The following GATB variants were observed in gnomAD, a reference collection of about 807,000 sequenced individuals.
GATB encodes glutamyl-tRNA amidotransferase subunit B, also known as glutamyl-tRNA(Gln) amidotransferase subunit B, mitochondrial.
GATB carries 39 observed loss-of-function variants against 62.3 expected under a neutral mutation model. The observed-to-expected ratio is 0.63, with a 90% CI of 0.48 to 0.82. The LOEUF is 0.82. GATB is among the 40% of genes least tolerant of loss of function. The pLI is 0.00. For missense variants in GATB, 670 were observed against 684.0 expected (o/e 0.98, Z 0.23); for synonymous variants, 276 against 258.9 (o/e 1.07, Z -0.63).
intron 10 of GATB, 104 bp from the exon 11 acceptor site, chr4:151,679,995 C>A: frequency 1.1e-6 from 1 of 899,626 alleles, no homozygotes. Context: ...GGGTAAATAT[C>A]GGACCCACGC....
chr4:151,724,602 TG>T (rs1739094583), intron 2 of GATB: 1 of 152,270 alleles, frequency 6.6e-6, no homozygotes, highest in Non-Finnish European at 1.5e-5. Flanking sequence ...CAGCCAAACG[TG>T]ACACATGCTT....
chr4:151,679,929 A>G (rs1165517818), intron 10 of GATB, 38 bp from the exon 11 acceptor site: 1 of 1,577,150 alleles, frequency 6.3e-7, no homozygotes, highest in African/African-American at 1.3e-5. Flanking sequence ...TTTACATTGC[A>G]CACTGTCAGG....
At chr4:151,675,059 G>C (rs1165865985) in intron 11 of GATB, 1 of 152,404 alleles carries the variant, frequency 6.6e-6, no homozygotes, top group African/African-American at 2.4e-5. Context: ...CCCACAGCTC[G>C]AATGTTGGCT....
At chr4:151,748,851 T>C (rs564960764) in intron 2 of GATB, among the ~76,000 whole-genome samples, 1 of 152,320 alleles carries the variant, frequency 6.6e-6, no homozygotes, top group Non-Finnish European at 1.5e-5. Flanking sequence ...GGGCGAAGGA[T>C]ATGAATAGAC....
chr4:151,722,160 G>T, intron 2 of GATB: 2 of 700,432 alleles, frequency 2.9e-6, no homozygotes, highest in Non-Finnish European at 5.2e-6. Context: ...GTCCAGGTCA[G>T]CATGTTCTGA....
chr4:151,727,041 C>G (rs1482290838), intron 2 of GATB, among the ~76,000 whole-genome samples: 1 of 152,138 alleles, frequency 6.6e-6, no homozygotes, highest in Non-Finnish European at 1.5e-5. Context: ...TTTCGCCTCC[C>G]GAATAGCTGG....
chr4:151,739,092 A>G (rs1739432746), intron 2 of GATB, among the ~76,000 whole-genome samples: 1 of 152,282 alleles, frequency 6.6e-6, no homozygotes, highest in South Asian at 2.1e-4. Flanking sequence ...GCTGCAAAGC[A>G]TGACAAAGAC....
chr4:151,678,415 C>T (rs993267919), intron 11 of GATB, among the ~76,000 whole-genome samples: 3 of 151,092 alleles, frequency 2.0e-5, no homozygotes, highest in Non-Finnish European at 4.4e-5. Flanking sequence ...TTTCATTTCA[C>T]GTGCAATAAT....
At position 151,758,858 on chromosome 4, in the gene GATB, G is replaced by A; in HGVS notation, c.241C>T (p.Leu81Phe). 6.2e-7 allele frequency: 1 copy of A among 1,611,382 alleles called. No homozygotes were observed. Among genetic ancestry groups the A allele is most frequent in the Non-Finnish European group, 8.5e-7 (1 of 1,178,468 alleles). ...AAGCGAACTTGAGATCCAGAGAAGA[G>A]TTTAGAGTTGGAGGAAATCTGGGCA... Reference protein sequence around the residue: ...IHAQISSNSKLFSGSQVRFSA... With the variant: ...IHAQISSNSKFFSGSQVRFSA... Residue 81 changes from leucine (L) to phenylalanine (F), a missense_variant, in exon 2 of 13, where the codon CTC becomes TTC. Transcript: ENST00000263985.
chr4:151,728,338 A>G (rs576394509), intron 2 of GATB, among the ~76,000 whole-genome samples: 2 of 152,322 alleles, frequency 1.3e-5, no homozygotes, highest in African/African-American at 2.4e-5. Context: ...TTGAAATTCA[A>G]TGAGAATTGA....
chr4:151,715,408 C>T (rs1274035038), intron 5 of GATB, among the ~76,000 whole-genome samples: 3 of 152,170 alleles, frequency 2.0e-5, no homozygotes, highest in African/African-American at 4.8e-5. Flanking sequence ...GTGACCAAAA[C>T]CTATGATCTT....
Position 151,760,789 on chromosome 4 carries a change from A to C in GATB, c.176+18T>G. On this transcript the variant is annotated intron_variant, in intron 1 of 12. Transcript: ENST00000263985. ...CCACCTCACAGTTAGGTGGGCAGAA[A>C]TGTATGAAACAGAATACCCTTTCCT... 1 of 1,564,232 alleles carries C rather than the reference A, an allele frequency of 6.4e-7. No homozygotes were observed.
chr4:151,709,229 CA>C (rs1238757282), intron 5 of GATB, among the ~76,000 whole-genome samples: 1 of 152,128 alleles, frequency 6.6e-6, no homozygotes, highest in Non-Finnish European at 1.5e-5. Flanking sequence ...GTCATTCTCC[CA>C]GTGCTGGGCT....
At chr4:151,699,001 C>T (rs1738545550) in intron 9 of GATB, among the ~76,000 whole-genome samples, 1 of 151,136 alleles carries the variant, frequency 6.6e-6, no homozygotes, top group East Asian at 1.9e-4. Context: ...TGTGTGTGTG[C>T]ATGTGTATGT....
At chr4:151,726,819 T>A (rs1043652692) in intron 2 of GATB, among the ~76,000 whole-genome samples, 3 of 152,196 alleles carry the variant, frequency 2.0e-5, no homozygotes, top group African/African-American at 7.2e-5. Flanking sequence ...TGGGATTCCA[T>A]CCTCTTCCTG....
chr4:151,755,964 G>A (rs1422499866), intron 2 of GATB, among the ~76,000 whole-genome samples: 2 of 152,272 alleles, frequency 1.3e-5, no homozygotes, highest in Non-Finnish European at 2.9e-5. Context: ...AAGAGAGAGG[G>A]GAGCTTTATT....
chr4:151,731,832 T>C (rs10032365), intron 2 of GATB, among the ~76,000 whole-genome samples: 86,277 of 148,922 alleles, frequency 0.58, 27,173 homozygotes, highest in African/African-American at 0.85. Flanking sequence ...GGAGCCCCTC[T>C]GCCCGGCAGC....
intron 2 of GATB, among the ~76,000 whole-genome samples, chr4:151,739,295 T>C (rs972597601): frequency 3.3e-5 from 5 of 152,162 alleles, no homozygotes; most frequent in African/African-American, 1.2e-4. Flanking sequence ...AAAGGCTCAC[T>C]AGCAAGAATC....
chr4:151,692,508 A>C (rs1193654344), intron 9 of GATB, among the ~76,000 whole-genome samples: 1 of 152,234 alleles, frequency 6.6e-6, no homozygotes, highest in Non-Finnish European at 1.5e-5. Flanking sequence ...TGGCAGGTTT[A>C]CTTTCTGCCT....
Sources: allele counts gnomAD v4.1 joint callset (sites outside exome capture counted in the v4.1 genomes callset), GRCh38; gene constraint gnomAD v4.1.1; transcripts MANE v1.5; gene names NCBI Gene and HGNC (gene_info 2026-07-23, HGNC 2026-07-21).